OR2L13: variants seen among roughly 807,000 people sequenced by gnomAD.
OR2L13 encodes olfactory receptor 2L13.
Under a neutral mutation model 15.3 loss-of-function variants are expected in OR2L13, and 14 were observed. The ratio of observed to expected loss-of-function variants is 0.91; its 90% CI spans 0.60 to 1.43. The LOEUF (loss-of-function observed/expected upper bound fraction) is 1.43, where lower values mean the gene tolerates loss of function less well. Ranked by LOEUF, OR2L13 falls within the 40% of genes most tolerant of loss-of-function variation. The pLI is 0.00. For synonymous variants in OR2L13, 152 were observed against 142.9 expected, an observed-to-expected ratio of 1.06 and a Z score of -0.45; for missense variants, 367 against 387.9, an observed-to-expected ratio of 0.95 and a Z score of 0.45.
the OR2L13 span, chr1:248,023,030 A>C: frequency 1.4e-6 from 1 of 719,530 alleles, no homozygotes; most frequent in Non-Finnish European, 2.2e-6. Flanking sequence ...TCTTGACATT[A>C]TAGTTGCATA....
At chr1:248,060,696 T>G in the OR2L13 span, 31 of 1,612,464 alleles carry the variant, frequency 1.9e-5, no homozygotes, top group Non-Finnish European at 2.6e-5. Context: ...AAAATTACAA[T>G]CAAACATCAA....
the OR2L13 span, chr1:248,060,986 T>C: frequency 6.2e-7 from 1 of 1,614,070 alleles, no homozygotes; most frequent in Non-Finnish European, 8.5e-7. Context: ...CAGAGTTTCT[T>C]CTTCTCGGCA....
chr1:247,994,260 G>A, the OR2L13 span, among the ~76,000 whole-genome samples: 5 of 152,254 alleles, frequency 3.3e-5, no homozygotes, highest in Admixed American at 1.3e-4. Context: ...AGCCGGGCGT[G>A]GTGGCGGGCG....
At chr1:248,072,823 A>T in the OR2L13 span, among the ~76,000 whole-genome samples, 1 of 152,336 alleles carries the variant, frequency 6.6e-6, no homozygotes, top group African/African-American at 2.4e-5. Flanking sequence ...AAGCACATGA[A>T]CAGACATTTC....
the OR2L13 span, among the ~76,000 whole-genome samples, chr1:248,010,985 C>T: frequency 6.6e-6 from 1 of 151,852 alleles, no homozygotes; most frequent in African/African-American, 2.4e-5. Flanking sequence ...TGAATTTGAT[C>T]CTGTCATTAT....
At chr1:247,980,676 A>T in the OR2L13 span, among the ~76,000 whole-genome samples, 2 of 152,186 alleles carry the variant, frequency 1.3e-5, no homozygotes, top group Non-Finnish European at 2.9e-5. Flanking sequence ...CCAAACTCTC[A>T]GTGGACATTC....
the OR2L13 span, among the ~76,000 whole-genome samples, chr1:247,976,986 A>G: frequency 6.6e-6 from 1 of 152,222 alleles, no homozygotes. Context: ...CTACATGAGG[A>G]AGCATGTTGA....
At chr1:247,971,768 C>G in the OR2L13 span, among the ~76,000 whole-genome samples, 2 of 152,124 alleles carry the variant, frequency 1.3e-5, no homozygotes, top group African/African-American at 4.8e-5. Context: ...ACCAAGCGGA[C>G]CGAATAGACA....
chr1:248,071,191 C>A, the OR2L13 span, among the ~76,000 whole-genome samples: 5 of 152,108 alleles, frequency 3.3e-5, no homozygotes, highest in African/African-American at 1.2e-4. Flanking sequence ...AATTTTAGAC[C>A]AATATCCCTG....
chr1:248,079,809 T>G, the OR2L13 span, among the ~76,000 whole-genome samples: 1 of 152,276 alleles, frequency 6.6e-6, no homozygotes, highest in African/African-American at 2.4e-5. Flanking sequence ...ATGACTTGGA[T>G]TAGGCCAAGA....
chr1:247,996,677 C>T, the OR2L13 span, among the ~76,000 whole-genome samples: 1 of 151,872 alleles, frequency 6.6e-6, no homozygotes, highest in Non-Finnish European at 1.5e-5. Flanking sequence ...AAACATCTTT[C>T]TTTTTTTTAC....
the OR2L13 span, among the ~76,000 whole-genome samples, chr1:248,072,500 G>A: frequency 8.5e-5 from 13 of 152,088 alleles, no homozygotes; most frequent in Middle Eastern, 3.4e-3. Context: ...AGACTTAAAC[G>A]TTAGACCTAA....
the OR2L13 span, among the ~76,000 whole-genome samples, chr1:247,989,739 C>T: frequency 6.6e-6 from 1 of 152,116 alleles, no homozygotes; most frequent in Non-Finnish European, 1.5e-5. Flanking sequence ...AACTAGTCCC[C>T]CTTATCCACT....
the OR2L13 span, among the ~76,000 whole-genome samples, chr1:247,977,060 CAT>C: frequency 3.6e-4 from 55 of 152,280 alleles, no homozygotes; most frequent in African/African-American, 1.2e-3. Flanking sequence ...CTAATAATAA[CAT>C]GTGTCATCAC....
the OR2L13 span, among the ~76,000 whole-genome samples, chr1:248,065,048 A>C: frequency 6.6e-6 from 1 of 152,222 alleles, no homozygotes; most frequent in African/African-American, 2.4e-5. Flanking sequence ...ATATACTGTC[A>C]TTTGCTACAT....
At chr1:248,083,625 A>G in the OR2L13 span, 4 of 1,383,678 alleles carry the variant, frequency 2.9e-6, no homozygotes, top group African/African-American at 1.4e-5. Flanking sequence ...GAGTCATTTG[A>G]CACTAGATCA....
the OR2L13 span, among the ~76,000 whole-genome samples, chr1:248,017,172 TA>T: frequency 6.6e-6 from 1 of 152,148 alleles, no homozygotes; most frequent in Non-Finnish European, 1.5e-5. Flanking sequence ...GTTATAAAAA[TA>T]AAAGCAAGTG....
chr1:248,022,145 C>T, the OR2L13 span: 36 of 1,613,842 alleles, frequency 2.2e-5, no homozygotes, highest in Non-Finnish European at 2.7e-5. Context: ...GTCAGCTCTC[C>T]CTCATTGACC....
the OR2L13 span, among the ~76,000 whole-genome samples, chr1:248,048,913 TTC>T: frequency 1.4e-5 from 2 of 138,426 alleles, no homozygotes; most frequent in African/African-American, 3.3e-5. Flanking sequence ...TTCTTTCCTT[TTC>T]TCTCTCTCTT....
Sources: allele counts gnomAD v4.1 joint callset (sites outside exome capture counted in the v4.1 genomes callset), GRCh38; gene constraint gnomAD v4.1.1; transcripts MANE v1.5; gene names NCBI Gene and HGNC (gene_info 2026-07-23, HGNC 2026-07-21).